THSD4: variants seen among roughly 807,000 people sequenced by gnomAD.
THSD4 encodes the protein thrombospondin type-1 domain-containing protein 4.
THSD4 carries 69 observed loss-of-function variants against 119.0 expected under a neutral mutation model. That is an observed-to-expected ratio of 0.58 (90% CI 0.48 to 0.71). THSD4 has a LOEUF of 0.71. THSD4 is among the 30% of genes least tolerant of loss of function. The pLI is 0.00. For synonymous variants in THSD4, 524 were observed against 540.4 expected, an observed-to-expected ratio of 0.97 and a Z score of 0.42; for missense variants, 1,393 against 1,391.1, an observed-to-expected ratio of 1.00 and a Z score of -0.02.
intron 6 of THSD4, among the ~76,000 whole-genome samples, chr15:71,314,843 A>G (rs78701227): frequency 0.15 from 22,086 of 152,190 alleles, 1,622 homozygotes; most frequent in Middle Eastern, 0.22. Flanking sequence ...AAATATTTCT[A>G]TTTTAAACAA....
rs184853903 is a variant in THSD4 at position 71,545,698 on chromosome 15, A to G, written c.1153-114832A>G. Among the ~76,000 whole-genome samples the G allele has an allele frequency of 2.1e-4, 32 of 152,336 alleles. No homozygotes were observed. In the East Asian group the frequency reaches 6.0e-3, roughly 28 times the overall value. On this transcript the variant is annotated intron_variant, in intron 7 of 17. Coordinates refer to ENST00000261862, the MANE Select transcript of THSD4 (RefSeq NM_024817.3). ...AGAACAGAACCAAAGCTGAACAGTA[A>G]CAATGACTAAGAAGGAGGAAGAGGA... is the stretch of plus-strand genomic sequence containing the variant.
intron 6 of THSD4, among the ~76,000 whole-genome samples, chr15:71,274,920 G>T (rs2044573080): frequency 6.6e-6 from 1 of 152,140 alleles, no homozygotes; most frequent in Non-Finnish European, 1.5e-5. Context: ...AAATAGGAAT[G>T]ATTTTAAGGA....
At chr15:71,638,014 G>A (rs962924165) in intron 7 of THSD4, among the ~76,000 whole-genome samples, 2 of 152,040 alleles carry the variant, frequency 1.3e-5, no homozygotes, top group African/African-American at 2.4e-5. Flanking sequence ...GGTGTGAGCC[G>A]CTGTGCCCAG....
chr15:71,527,011 C>T (rs2048530920), intron 7 of THSD4, among the ~76,000 whole-genome samples: 1 of 152,240 alleles, frequency 6.6e-6, no homozygotes, highest in African/African-American at 2.4e-5. Flanking sequence ...CCATTGCAGT[C>T]GTATTAAGAC....
rs143828043 is a variant in THSD4 at position 71,356,387 on chromosome 15, C to G, written c.1016-55300C>G. Among the ~76,000 whole-genome samples the G allele has an allele frequency of 1.5e-3, 235 of 152,266 alleles. 2 individuals carry two copies. The highest frequency in any genetic ancestry group is 5.4e-3 in the African/African-American group (225 of 41,562). On this transcript the variant is annotated intron_variant, in intron 6 of 17. Transcript: ENST00000261862. ...ACACACTTATTACAGTCCAACATGG[C>G]AGGAGGGCATTTTCTCTTGTTTATT...
intron 8 of THSD4, among the ~76,000 whole-genome samples, chr15:71,693,143 A>G (rs998820713): frequency 6.6e-6 from 1 of 152,180 alleles, no homozygotes; most frequent in Non-Finnish European, 1.5e-5. Context: ...AACCTAGCCT[A>G]TGGGAAAGGA....
At chr15:71,657,283 G>C (rs541325844) in intron 7 of THSD4, among the ~76,000 whole-genome samples, 2 of 152,226 alleles carry the variant, frequency 1.3e-5, no homozygotes, top group South Asian at 2.1e-4. Context: ...GCATCTTTAC[G>C]TGTTTCGATC....
chr15:71,113,034 A>G (rs544086630), upstream of THSD4, among the ~76,000 whole-genome samples: 7 of 152,222 alleles, frequency 4.6e-5, no homozygotes, highest in African/African-American at 1.7e-4. Context: ...AAAAATGAAA[A>G]AAAAATTAGT....
chr15:71,725,587 G>A (rs1339223936), intron 8 of THSD4, among the ~76,000 whole-genome samples: 2 of 152,178 alleles, frequency 1.3e-5, no homozygotes, highest in East Asian at 1.9e-4. Context: ...CCAGAAGCTG[G>A]GGTGAGAGTG....
intron 7 of THSD4, among the ~76,000 whole-genome samples, chr15:71,421,195 G>C (rs1445175309): frequency 1.3e-5 from 1 of 75,312 alleles, no homozygotes; most frequent in Non-Finnish European, 2.6e-5. Context: ...AAAAGGAGTA[G>C]TTTACACACC....
intron 8 of THSD4, among the ~76,000 whole-genome samples, chr15:71,685,150 T>C (rs979466295): frequency 6.6e-6 from 1 of 152,048 alleles, no homozygotes; most frequent in Non-Finnish European, 1.5e-5. Flanking sequence ...TGTTTTTCTT[T>C]CTTGAATTCA....
intron 6 of THSD4, among the ~76,000 whole-genome samples, chr15:71,297,686 C>G (rs559506600): frequency 1.3e-5 from 2 of 152,250 alleles, no homozygotes; most frequent in Admixed American, 6.5e-5. Context: ...GTTGCCCAGG[C>G]TGGATTCCAC....
intron 6 of THSD4, among the ~76,000 whole-genome samples, chr15:71,332,758 T>C (rs2045438649): frequency 6.6e-6 from 1 of 152,058 alleles, no homozygotes. Flanking sequence ...TCGCCAAATA[T>C]TTGAGTGATG....
intron 7 of THSD4, among the ~76,000 whole-genome samples, chr15:71,535,424 A>G (rs750068833): frequency 6.6e-6 from 1 of 152,210 alleles, no homozygotes; most frequent in Non-Finnish European, 1.5e-5. Context: ...GGGTTGGGCT[A>G]TCATGAATAA....
chr15:71,123,415 T>C (rs1178107316), intron 1 of THSD4, among the ~76,000 whole-genome samples: 1 of 152,146 alleles, frequency 6.6e-6, no homozygotes, highest in Non-Finnish European at 1.5e-5. Context: ...GGGCTAACAA[T>C]CTCTGTACAT....
intron 7 of THSD4, among the ~76,000 whole-genome samples, chr15:71,602,344 G>A (rs1389433309): frequency 5.3e-5 from 8 of 151,610 alleles, no homozygotes; most frequent in East Asian, 1.9e-4. Flanking sequence ...ACCTGAGGTC[G>A]GGAGTTCAAG....
At chr15:71,317,205 T>G (rs28546676) in intron 6 of THSD4, among the ~76,000 whole-genome samples, 1 of 152,008 alleles carries the variant, frequency 6.6e-6, no homozygotes. Flanking sequence ...AAGTGAGGAG[T>G]AGCCATAAAA....
intron 7 of THSD4, among the ~76,000 whole-genome samples, chr15:71,634,214 A>C (rs1201974606): frequency 6.7e-6 from 1 of 149,836 alleles, no homozygotes; most frequent in African/African-American, 2.4e-5. Context: ...GAAAAAGAAA[A>C]AGAAATAATC....
At chr15:71,687,336 T>G (rs2051932134) in intron 8 of THSD4, among the ~76,000 whole-genome samples, 1 of 152,198 alleles carries the variant, frequency 6.6e-6, no homozygotes. Context: ...TATTTGCTGT[T>G]AGGACCAGGA....
Sources: gnomAD v4.1 joint callset for allele counts (sites outside exome capture counted in the v4.1 genomes callset) on GRCh38, gnomAD v4.1.1 for gene constraint, MANE v1.5 for transcripts, NCBI Gene and HGNC (gene_info 2026-07-23, HGNC 2026-07-21) for gene names.